ATRNL1: variants seen among roughly 807,000 people sequenced by gnomAD.
ATRNL1 encodes the protein attractin-like protein 1.
A neutral mutation model predicts 182.7 loss-of-function variants in ATRNL1; 95 were observed. The ratio of observed to expected loss-of-function variants is 0.52; its 90% CI spans 0.44 to 0.62. The LOEUF is 0.62. ATRNL1 is among the 20% of genes least tolerant of loss of function. The pLI is 0.00. For missense variants in ATRNL1, 1,471 were observed against 1,679.5 expected, an observed-to-expected ratio of 0.88 and a Z score of 2.17; for synonymous variants, 576 against 568.3, an observed-to-expected ratio of 1.01 and a Z score of -0.19.
At chr10:115,360,177 T>C (rs1338051524) in intron 19 of ATRNL1, among the ~76,000 whole-genome samples, 2 of 151,728 alleles carry the variant, frequency 1.3e-5, no homozygotes, top group Non-Finnish European at 3.0e-5. Flanking sequence ...CCTTAATATA[T>C]GTAGGAAAAA....
Position 115,591,316 on chromosome 10 carries a change from A to G in ATRNL1, c.3795+41780A>G, listed in dbSNP as rs116094231. The stretch of plus-strand genomic sequence containing the variant: ...GCACAGAAAATGGGGTTTATGACAC[A>G]GGAGAGTTACTCCAAAATTATGAAT... On this transcript the variant is annotated intron_variant, in intron 26 of 28. Transcript: ENST00000355044. Among the ~76,000 whole-genome samples the G allele has an allele frequency of 8.4e-3, 1,272 of 152,276 alleles. 17 individuals are homozygous for G. Among genetic ancestry groups the G allele is most frequent in the African/African-American group, 0.029 (1,212 of 41,566 alleles).
At chr10:115,612,724 G>A (rs1049061260) in intron 26 of ATRNL1, among the ~76,000 whole-genome samples, 2 of 152,198 alleles carry the variant, frequency 1.3e-5, no homozygotes, top group Admixed American at 1.3e-4. Context: ...ATATGTGCAA[G>A]TAAGAGACTT....
At position 115,269,178 on chromosome 10, in the gene ATRNL1, A is replaced by G. The variant is rs868995788; in HGVS notation, c.2100+734A>G. ...GTTCTATATATTGCAGAATAAAAAA[A>G]CATAAAATATTTATGGCAGATGAAA... On this transcript the variant is annotated intron_variant, in intron 13 of 28. Coordinates refer to ENST00000355044, the MANE Select transcript of ATRNL1 (RefSeq NM_207303.4). Among the ~76,000 whole-genome samples the G allele has an allele frequency of 1.4e-4, 21 of 152,322 alleles. No individual in the cohort carries two copies. The Middle Eastern group carries it at 0.017, about 123-fold the overall frequency.
intron 27 of ATRNL1, among the ~76,000 whole-genome samples, chr10:115,727,994 G>A (rs576822214): frequency 6.3e-4 from 95 of 151,404 alleles, no homozygotes; most frequent in Middle Eastern, 3.4e-3. Flanking sequence ...TGCAAAATTC[G>A]GCCGGGCGCG....
chr10:115,840,165 AC>A (rs1357492736), intron 27 of ATRNL1, among the ~76,000 whole-genome samples: 1 of 152,168 alleles, frequency 6.6e-6, no homozygotes, highest in Non-Finnish European at 1.5e-5. Flanking sequence ...AATGGGAAGA[AC>A]AGGCAGGCTT....
intron 1 of ATRNL1, among the ~76,000 whole-genome samples, chr10:115,116,678 C>A (rs1212508844): frequency 1.3e-5 from 2 of 152,024 alleles, no homozygotes; most frequent in Admixed American, 1.3e-4. Flanking sequence ...GATTTCTCCC[C>A]TTTACGCATG....
chr10:115,484,074 G>A (rs1037366019), intron 24 of ATRNL1, among the ~76,000 whole-genome samples: 10 of 150,776 alleles, frequency 6.6e-5, no homozygotes, highest in African/African-American at 1.9e-4. Context: ...TGGGATAATG[G>A]TAATAATTTT....
chr10:115,703,506 T>A (rs782373166), intron 26 of ATRNL1, among the ~76,000 whole-genome samples: 1 of 151,808 alleles, frequency 6.6e-6, no homozygotes, highest in Non-Finnish European at 1.5e-5. Context: ...TGGTTACCTC[T>A]GGAGTGATAA....
At chr10:115,745,148 C>T (rs1242709610) in intron 27 of ATRNL1, among the ~76,000 whole-genome samples, 1 of 150,828 alleles carries the variant, frequency 6.6e-6, no homozygotes, top group African/African-American at 2.4e-5. Flanking sequence ...TTTTTGTGAC[C>T]GAGTCTCACT....
chr10:115,387,498 A>T (rs1485572558), intron 19 of ATRNL1, among the ~76,000 whole-genome samples: 1 of 152,230 alleles, frequency 6.6e-6, no homozygotes, highest in Non-Finnish European at 1.5e-5. Flanking sequence ...TATGAAATCC[A>T]CAATCCAGTG....
At chr10:115,322,676 C>T (rs1394318972) in intron 18 of ATRNL1, among the ~76,000 whole-genome samples, 1 of 152,086 alleles carries the variant, frequency 6.6e-6, no homozygotes, top group Non-Finnish European at 1.5e-5. Context: ...TCTTGTATGG[C>T]TGGCCTTCTA....
At chr10:115,534,515 G>T (rs939650197) in intron 25 of ATRNL1, among the ~76,000 whole-genome samples, 3 of 152,240 alleles carry the variant, frequency 2.0e-5, no homozygotes, top group Non-Finnish European at 4.4e-5. Context: ...CATGAGATGG[G>T]TTTCCTGAAT....
intron 8 of ATRNL1, among the ~76,000 whole-genome samples, chr10:115,184,554 A>G (rs1421877852): frequency 2.0e-5 from 3 of 151,780 alleles, no homozygotes; most frequent in African/African-American, 7.2e-5. Flanking sequence ...CAGGAAAGAT[A>G]AACCAGAAAA....
chr10:115,389,731 G>A (rs1398909515), intron 19 of ATRNL1, among the ~76,000 whole-genome samples: 1 of 151,034 alleles, frequency 6.6e-6, no homozygotes, highest in African/African-American at 2.4e-5. Context: ...AGGAGTTACT[G>A]GACGATATGG....
intron 5 of ATRNL1, among the ~76,000 whole-genome samples, chr10:115,130,371 A>G (rs1262080793): frequency 2.6e-5 from 4 of 152,098 alleles, no homozygotes; most frequent in African/African-American, 4.8e-5. Flanking sequence ...CCCAAGTTAA[A>G]AACCAAAGAG....
At chr10:115,315,409 G>C in intron 17 of ATRNL1, 109 bp from the exon 18 acceptor site, 2 of 773,760 alleles carry the variant, frequency 2.6e-6, no homozygotes, top group Admixed American at 2.6e-5. Flanking sequence ...ATTAACTATA[G>C]ATGACCTTTC....
At chr10:115,514,861 A>G (rs1850560755) in intron 24 of ATRNL1, among the ~76,000 whole-genome samples, 1 of 151,600 alleles carries the variant, frequency 6.6e-6, no homozygotes, top group South Asian at 2.1e-4. Context: ...CTCTTTGAAA[A>G]TTTTCCATCT....
intron 28 of ATRNL1, among the ~76,000 whole-genome samples, chr10:115,862,516 A>G (rs995988804): frequency 2.6e-5 from 4 of 152,224 alleles, no homozygotes; most frequent in Admixed American, 6.5e-5. Flanking sequence ...TTTCTCAGAA[A>G]TGCAAATTAA....
Position 115,162,895 on chromosome 10 carries a change from G to C in ATRNL1, c.1005-2663G>C, listed in dbSNP as rs369991999. Among the ~76,000 whole-genome samples the C allele has an allele frequency of 2.6e-5, 4 of 152,024 alleles. No homozygotes were observed. In the East Asian group the frequency reaches 7.7e-4, roughly 29 times the overall value. On this transcript the variant is annotated intron_variant, in intron 6 of 28. Coordinates refer to ENST00000355044, the MANE Select transcript of ATRNL1 (RefSeq NM_207303.4). ...AATGTCAAATGCTGACGATTATCCA[G>C]GTCAAGGAAAATGAAGACTGAAAAC...
Sources: allele counts gnomAD v4.1 joint callset (sites outside exome capture counted in the v4.1 genomes callset), GRCh38; gene constraint gnomAD v4.1.1; transcripts MANE v1.5; gene names NCBI Gene and HGNC (gene_info 2026-07-23, HGNC 2026-07-21).